Variants in DNAH1 observed in about 807,000 individuals in gnomAD.
DNAH1 encodes axonemal beta dynein heavy chain 1.
In DNAH1, 327 loss-of-function variants were observed where a neutral mutation model predicts 484.3. The ratio of observed to expected loss-of-function variants is 0.68; its 90% CI spans 0.62 to 0.74. The LOEUF (loss-of-function observed/expected upper bound fraction) is 0.74, where lower values mean the gene tolerates loss of function less well. Ranked by LOEUF, DNAH1 falls within the 30% of genes least tolerant of loss-of-function variation. The pLI is 0.00. For missense variants in DNAH1, 5,052 were observed against 5,546.8 expected, an observed-to-expected ratio of 0.91 and a Z score of 2.83; for synonymous variants, 2,192 against 2,191.9, an observed-to-expected ratio of 1.00 and a Z score of 0.00.
intron 3 of DNAH1, 84 bp from the exon 4 acceptor site, chr3:52,326,056 T>G: frequency 1.5e-6 from 2 of 1,301,476 alleles, no homozygotes; most frequent in Non-Finnish European, 2.0e-6. Flanking sequence ...TACTACCTGG[T>G]TGGTAATTTA....
chr3:52,379,778 ATGG>A lies in DNAH1; in HGVS notation c.7378-123_7378-121del, dbSNP rs1285958215. On this transcript the variant is annotated intron_variant, in intron 47 of 77. Transcript: ENST00000420323. This position sits in a 1 kb window ranked among gnomAD's most constrained non-coding sequence, Gnocchi z 4.4. ...AGCCCCCACACACTGTCCCTGGGCC[ATGG>A]TGGGAGAGCCAGGCTCCAGTCAGGG... 1 of 791,482 alleles carries A rather than the reference ATGG, an allele frequency of 1.3e-6. No individual in the cohort carries two copies. Among genetic ancestry groups the A allele is most frequent in the East Asian group, 2.7e-5 (1 of 37,086 alleles). 49.0% of individuals were successfully genotyped at this position (791,482 alleles called of 1,614,324 possible).
upstream of DNAH1, among the ~76,000 whole-genome samples, chr3:52,312,324 A>G (rs1344696734): frequency 3.9e-5 from 6 of 152,176 alleles, no homozygotes; most frequent in Non-Finnish European, 8.8e-5. Context: ...ATCTTGGGTC[A>G]TATTTTCAGG....
Position 52,353,575 on chromosome 3 carries a change from A to G in DNAH1, c.3422A>G (p.His1141Arg), listed in dbSNP as rs1179419050. ...ARCLEMNLQD[H>R]IESISKVAEV... The stretch of plus-strand genomic sequence containing the variant: ...TGCCTGGAGATGAACCTGCAGGACC[A>G]TATCGAGAGCATCAGCAAGGTGGCT... Residue 1141 changes from histidine to arginine, a missense_variant, in exon 20 of 78, where the codon CAT becomes CGT. Around this residue, in one of 4 missense-constraint regions of DNAH1, gnomAD observed 2,929 missense variants for 3,409.4 expected, o/e 0.86. Transcript: ENST00000420323. The surrounding 1 kb of genome is among the most constrained non-coding windows in gnomAD (Gnocchi z 5.0). 6.2e-7 allele frequency: 1 copy of G among 1,612,722 alleles called. No individual in the cohort carries two copies.
At chr3:52,314,390 G>A (rs1467606950), upstream of DNAH1, among the ~76,000 whole-genome samples, 1 of 152,210 alleles carries the variant, frequency 6.6e-6, no homozygotes, top group Admixed American at 6.5e-5. Flanking sequence ...TCAGCATCCT[G>A]CACCCTCAGA....
chr3:52,388,404 C>T lies in DNAH1; in HGVS notation c.9172-14C>T. The T allele has an allele frequency of 6.2e-7, 1 of 1,607,348 alleles. No homozygotes were observed. Among genetic ancestry groups the T allele is most frequent in the Non-Finnish European group, 8.5e-7 (1 of 1,176,804 alleles). On this transcript the variant is annotated splice_polypyrimidine_tract_variant and intron_variant, in intron 57 of 77. Transcript: ENST00000420323. ...GGTACTTGGCGAGCTAATCCTGCGC[C>T]CTCCGCCCCACAGCAAGCCCTGCTG...
chr3:52,367,676 C>T (rs545658851), intron 36 of DNAH1, among the ~76,000 whole-genome samples: 34 of 152,056 alleles, frequency 2.2e-4, no homozygotes, highest in Middle Eastern at 3.4e-3. Flanking sequence ...CTTGTTCAAG[C>T]GATTCTCCTG....
chr3:52,373,159 A>T, intron 44 of DNAH1, 106 bp downstream of exon 44: 19 of 1,230,884 alleles, frequency 1.5e-5, no homozygotes, highest in East Asian at 2.9e-5. Context: ...ACCCACAAAA[A>T]TGTTTTAATT....
Position 52,361,432 on chromosome 3 carries a change from C to G in DNAH1, c.4874+80C>G, listed in dbSNP as rs911925136. On this transcript the variant is annotated intron_variant, in intron 29 of 77. Coordinates refer to ENST00000420323, the MANE Select transcript of DNAH1 (RefSeq NM_015512.5). This position sits in a 1 kb window ranked among gnomAD's most constrained non-coding sequence, Gnocchi z 5.6. ...TGGGGAGGGCTAGGTGAGGGCAGTG[C>G]CTGAGAGGGGCCTCGAAGGATGGTG... 1.4e-6 allele frequency: 2 copies of G among 1,444,670 alleles called. No homozygotes were observed. The highest frequency in any genetic ancestry group is 2.9e-5 in the African/African-American group (2 of 70,140). The allele number at this position is 1,444,670 out of a possible 1,614,324, so 89.5% of individuals were successfully genotyped here.
Position 52,349,305 on chromosome 3 carries a change from G to A in DNAH1, c.2411G>A (p.Gly804Glu). The A allele has an allele frequency of 6.2e-7, 1 of 1,613,968 alleles. No individual in the cohort carries two copies. Among genetic ancestry groups the A allele is most frequent in the Non-Finnish European group, 8.5e-7 (1 of 1,179,892 alleles). ...DSSLPSSIII[G>E]PFYINTDNVK... ...TCGCTGCCCAGCAGCATCATCATTG[G>A]GCCTTTCTACATCAACACCGACAAT... The change falls in exon 14 of 78, where the codon GGG becomes GAG. Residue 804 changes from glycine to glutamate, a missense_variant. Around this residue, in one of 4 missense-constraint regions of DNAH1, gnomAD observed 1,263 missense variants for 1,218.8 expected, o/e 1.04. Coordinates refer to ENST00000420323, the MANE Select transcript of DNAH1 (RefSeq NM_015512.5).
At position 52,397,809 on chromosome 3, in the gene DNAH1, G is replaced by A. The variant is rs373632520; in HGVS notation, c.11890G>A (p.Ala3964Thr). 58 of 1,613,282 alleles carry A rather than the reference G, an allele frequency of 3.6e-5. No homozygotes were observed. The highest frequency in any genetic ancestry group is 1.6e-4 in the Middle Eastern group (1 of 6,084). Reference protein sequence around the residue: ...NITFAQNETFALLGTIIQLQP... With the variant: ...NITFAQNETFTLLGTIIQLQP... ...CACCTTTGCCCAGAACGAGACGTTC[G>A]CCCTCCTGGGCACCATCATCCAGCT... Residue 3964 changes from alanine (A) to threonine (T), a missense_variant, in exon 74 of 78, where the codon GCC becomes ACC. Around this residue, in one of 4 missense-constraint regions of DNAH1, gnomAD observed 853 missense variants for 899.0 expected, o/e 0.95. Transcript: ENST00000420323.
chr3:52,391,123 G>C, intron 61 of DNAH1, 56 bp from the exon 62 acceptor site: 8 of 1,610,662 alleles, frequency 5.0e-6, no homozygotes, highest in Non-Finnish European at 6.8e-6. Context: ...GTGAGCCGCA[G>C]AGCCTCAGGC....
At chr3:52,387,362 C>T (rs1193990176) in intron 56 of DNAH1, among the ~76,000 whole-genome samples, 1 of 152,176 alleles carries the variant, frequency 6.6e-6, no homozygotes, top group East Asian at 1.9e-4. Flanking sequence ...CACGTGGTCT[C>T]TCGGGGGCTG....
In DNAH1 at chr3:52,396,652, G is replaced by A; in HGVS notation, c.11465G>A (p.Cys3822Tyr). The change falls in exon 72 of 78, where the codon TGC (cysteine) becomes TAC (tyrosine). Residue 3822 changes from cysteine to tyrosine, a missense_variant. Cys to Tyr is a radical substitution (Grantham distance 194). This residue lies in a region of DNAH1 where 853 missense variants were observed against 899.0 expected (regional missense o/e 0.95). Transcript: ENST00000420323. ...MEFKSLLLSL[C>Y]LFHGNALERR... ...TTCAAGTCTCTGCTGCTGTCTCTGT[G>A]CTTGTTCCATGGGAACGCCCTGGAG... is the stretch of plus-strand genomic sequence containing the variant. 2.5e-6 allele frequency: 4 copies of A among 1,613,496 alleles called. No homozygotes were observed. Among genetic ancestry groups the A allele is most frequent in the Non-Finnish European group, 3.4e-6 (4 of 1,179,794 alleles).
At chr3:52,367,862 T>G (rs1462479178) in intron 36 of DNAH1, among the ~76,000 whole-genome samples, 1 of 152,218 alleles carries the variant, frequency 6.6e-6, no homozygotes, top group Non-Finnish European at 1.5e-5. Context: ...CGTGAGCCAC[T>G]GCACCCAGCC....
In DNAH1 at chr3:52,388,465, C is replaced by T. The variant is rs1274710840; in HGVS notation, c.9219C>T (p.Ile3073=). The change falls in exon 58 of 78, where the codon ATC becomes ATT. Residue 3073 remains isoleucine (I), a synonymous_variant. Coordinates refer to ENST00000420323, the MANE Select transcript of DNAH1 (RefSeq NM_015512.5). ...AQDDLGVTQR[I]LDEAKQRLRE... ...ATGACCTGGGGGTGACACAGAGGAT[C>T]CTGGATGAGGCAAAACAGCGCCTTC... 1 of 1,612,902 alleles carries T rather than the reference C, an allele frequency of 6.2e-7. No individual in the cohort carries two copies. Among genetic ancestry groups the T allele is most frequent in the East Asian group, 2.2e-5 (1 of 44,838 alleles).
In DNAH1 at chr3:52,361,021, C is replaced by A; in HGVS notation, c.4686-143C>A. 1.4e-6 allele frequency: 1 copy of A among 739,516 alleles called. No individual in the cohort carries two copies. Among genetic ancestry groups the A allele is most frequent in the Non-Finnish European group, 1.9e-6 (1 of 514,318 alleles). 45.8% of individuals were successfully genotyped at this position (739,516 alleles called of 1,614,324 possible). On this transcript the variant is annotated intron_variant, in intron 28 of 77. Coordinates refer to ENST00000420323, the MANE Select transcript of DNAH1 (RefSeq NM_015512.5). This position sits in a 1 kb window ranked among gnomAD's most constrained non-coding sequence, Gnocchi z 5.6. ...TGGGCAGGTGTCCACAGGCTCCAGT[C>A]CTGACCCCGGAGCCAGGGCTGGGCA...
At chr3:52,363,209 C>G (rs1702936567) in intron 32 of DNAH1, 65 bp downstream of exon 32, 1 of 1,591,832 alleles carries the variant, frequency 6.3e-7, no homozygotes, top group South Asian at 1.1e-5. Context: ...GCCTCCAGGG[C>G]ACCTGCTGAG....
intron 42 of DNAH1, 53 bp from the exon 43 acceptor site, chr3:52,372,174 C>T: frequency 5.6e-6 from 9 of 1,610,988 alleles, no homozygotes; most frequent in Middle Eastern, 1.7e-4. Context: ...AGGGGCAGCT[C>T]CTCCTGTGCA....
intron 36 of DNAH1, among the ~76,000 whole-genome samples, chr3:52,367,938 C>T (rs527623373): frequency 6.6e-6 from 1 of 152,320 alleles, no homozygotes; most frequent in South Asian, 2.1e-4. Context: ...GCACAGGGAC[C>T]ACTGCACTGG....
Sources: gnomAD v4.1 joint callset for allele counts (sites outside exome capture counted in the v4.1 genomes callset) on GRCh38, gnomAD v4.1.1 for gene constraint, gnomAD v4.1.1 regional missense constraint, Gnocchi (gnomAD v3.1) non-coding constraint, MANE v1.5 for transcripts, NCBI Gene and HGNC (gene_info 2026-07-23, HGNC 2026-07-21) for gene names.